The following PIBF1 variants were observed in gnomAD, a reference collection of about 807,000 sequenced individuals.
PIBF1 encodes progesterone-induced-blocking factor 1.
In PIBF1, 90 loss-of-function variants were observed where a neutral mutation model predicts 112.5. The observed-to-expected ratio is 0.80, with a 90% CI of 0.67 to 0.95. The LOEUF is 0.95. Ranked by LOEUF, PIBF1 falls within the 40% of genes least tolerant of loss-of-function variation. The pLI, the probability that PIBF1 is intolerant of heterozygous loss-of-function variation, is 0.00. For missense variants in PIBF1, 915 were observed against 852.3 expected (o/e 1.07, Z -0.92); for synonymous variants, 301 against 288.6 (o/e 1.04, Z -0.44).
intron 17 of PIBF1, among the ~76,000 whole-genome samples, chr13:73,014,696 TCTCAATTGTTTTTTAAGA>T (rs1317870872): frequency 2.0e-5 from 3 of 152,124 alleles, no homozygotes. Flanking sequence ...TGTACCTTCC[TCTCAATTGTTTTTTAAGA>T]CAGTCTTGCT....
At chr13:72,927,256 A>T (rs1033099752) in intron 13 of PIBF1, among the ~76,000 whole-genome samples, 1 of 152,110 alleles carries the variant, frequency 6.6e-6, no homozygotes, top group Admixed American at 6.5e-5. Context: ...CTGTAATCCC[A>T]GCACTATGGG....
intron 4 of PIBF1, 78 bp from the exon 5 acceptor site, chr13:72,797,829 T>C: frequency 2.9e-6 from 3 of 1,050,884 alleles, no homozygotes; most frequent in Non-Finnish European, 4.1e-6. Flanking sequence ...TTATTACTGA[T>C]AAGTGAGAGC....
intron 11 of PIBF1, 21 bp from the exon 12 acceptor site, chr13:72,908,510 A>C (rs186482823): frequency 6.4e-6 from 10 of 1,558,940 alleles, no homozygotes; most frequent in Middle Eastern, 3.4e-4. Context: ...TGCCTTTGTA[A>C]TTCTTCTCTT....
intron 9 of PIBF1, among the ~76,000 whole-genome samples, chr13:72,844,760 C>CTGTTT (rs1345644818): frequency 1.5e-5 from 2 of 129,622 alleles, no homozygotes; most frequent in South Asian, 2.7e-4. Flanking sequence ...CACACACACA[C>CTGTTT]ACACACACAC....
At chr13:72,795,332 C>G (rs925590438) in intron 3 of PIBF1, 27 bp from the exon 4 acceptor site, 1 of 1,381,682 alleles carries the variant, frequency 7.2e-7, no homozygotes, top group Non-Finnish European at 1.0e-6. Context: ...TTTTTTAAAG[C>G]CTGCCATAAA....
intron 14 of PIBF1, among the ~76,000 whole-genome samples, chr13:72,953,355 G>A (rs968923368): frequency 5.3e-5 from 8 of 152,104 alleles, no homozygotes; most frequent in African/African-American, 1.4e-4. Flanking sequence ...CGGTGCCTCC[G>A]TAATGTGCGG....
At chr13:72,920,945 C>T (rs1478351415) in intron 13 of PIBF1, among the ~76,000 whole-genome samples, 1 of 152,074 alleles carries the variant, frequency 6.6e-6, no homozygotes, top group Non-Finnish European at 1.5e-5. Flanking sequence ...TTCAAAGGAA[C>T]CTATTTTCCA....
intron 9 of PIBF1, among the ~76,000 whole-genome samples, chr13:72,840,486 A>G (rs887141427): frequency 6.7e-6 from 1 of 150,130 alleles, no homozygotes; most frequent in African/African-American, 2.5e-5. Context: ...TTACACTTGC[A>G]TATTTATATT....
intron 10 of PIBF1, among the ~76,000 whole-genome samples, chr13:72,880,946 AAG>A (rs1483382133): frequency 2.6e-5 from 4 of 152,172 alleles, no homozygotes; most frequent in Admixed American, 1.3e-4. Context: ...TATCTCTAAA[AAG>A]AGAATAACTG....
chr13:72,844,728 TACACAC>T (rs1156334355), intron 9 of PIBF1, among the ~76,000 whole-genome samples: 1,849 of 53,042 alleles, frequency 0.035, 37 homozygotes, highest in East Asian at 0.038. Flanking sequence ...TAATTTTATT[TACACAC>T]ACACACACAC....
rs536414713 is a variant in PIBF1, at chr13:73,002,177, A to G, written c.2223+3182A>G. The stretch of plus-strand genomic sequence containing the variant: ...AGCATCTGAACAAAGCAGATACTCA[A>G]TAAATATTTGCTGAAGAGAAAAAAA... On this transcript the variant is annotated intron_variant, in intron 17 of 17. Transcript: ENST00000326291. Among the ~76,000 whole-genome samples, 9 of 152,262 alleles carry G rather than the reference A, an allele frequency of 5.9e-5. No homozygotes were observed. The South Asian group carries it at 1.2e-3, about 21-fold the overall frequency.
intron 10 of PIBF1, among the ~76,000 whole-genome samples, chr13:72,874,931 A>G (rs568443328): frequency 3.2e-4 from 48 of 152,256 alleles, no homozygotes; most frequent in African/African-American, 1.1e-3. Flanking sequence ...ACAAATCATT[A>G]TCACCCAAAC....
chr13:72,788,584 A>G (rs567198108), intron 2 of PIBF1, among the ~76,000 whole-genome samples: 4 of 152,222 alleles, frequency 2.6e-5, no homozygotes, highest in Non-Finnish European at 5.9e-5. Flanking sequence ...AAAGGTGGTA[A>G]TAAGGAGAAG....
intron 17 of PIBF1, among the ~76,000 whole-genome samples, chr13:73,011,372 T>A (rs1035533656): frequency 6.6e-6 from 1 of 152,176 alleles, no homozygotes; most frequent in African/African-American, 2.4e-5. Context: ...CTTTAGAAGC[T>A]TGACCTAGTT....
chr13:72,811,970 A>G (rs531122125), intron 5 of PIBF1, among the ~76,000 whole-genome samples: 1 of 152,312 alleles, frequency 6.6e-6, no homozygotes, highest in South Asian at 2.1e-4. Flanking sequence ...TTAAAGAGTC[A>G]TAAGACTTTT....
Position 72,783,489 on chromosome 13 carries a change from A to G in PIBF1, c.20A>G (p.Lys7Arg). ...ATAAAAATGTCTCGAAAAATTTCAA[A>G]GGAGTCAAAAAAAGTGAACATCTCT... MSRKIS[K>R]ESKKVNISSS... Residue 7 changes from lysine to arginine, a missense_variant, in exon 2 of 18, where the codon AAG (lysine) becomes AGG (arginine). Transcript: ENST00000326291. 6.2e-7 allele frequency: 1 copy of G among 1,600,174 alleles called. No homozygotes were observed. The highest frequency in any genetic ancestry group is 1.3e-5 in the African/African-American group (1 of 74,286).
At chr13:72,874,404 A>T (rs919015323) in intron 10 of PIBF1, among the ~76,000 whole-genome samples, 1 of 152,230 alleles carries the variant, frequency 6.6e-6, no homozygotes, top group African/African-American at 2.4e-5. Context: ...CATAGCAATA[A>T]AAAAGGAGGA....
intron 14 of PIBF1, among the ~76,000 whole-genome samples, chr13:72,942,531 A>G (rs932649250): frequency 5.3e-5 from 8 of 152,202 alleles, no homozygotes; most frequent in Non-Finnish European, 1.0e-4. Flanking sequence ...AGGACTAGCC[A>G]TACTCAAAAC....
intron 17 of PIBF1, among the ~76,000 whole-genome samples, chr13:73,000,703 C>G (rs537075006): frequency 6.6e-6 from 1 of 152,240 alleles, no homozygotes; most frequent in African/African-American, 2.4e-5. Context: ...TGATCCTACT[C>G]TGCTCCAGGC....
Sources: allele counts gnomAD v4.1 joint callset (sites outside exome capture counted in the v4.1 genomes callset), GRCh38; gene constraint gnomAD v4.1.1; transcripts MANE v1.5; gene names NCBI Gene and HGNC (gene_info 2026-07-23, HGNC 2026-07-21).